Variants in ZNF385D observed in about 807,000 individuals in gnomAD.
The protein encoded by ZNF385D is zinc finger protein 385D, also known as zinc finger protein 659.
A neutral mutation model predicts 35.8 loss-of-function variants in ZNF385D; 15 were observed. The observed-to-expected ratio is 0.42, with a 90% confidence interval of 0.28 to 0.64. The LOEUF (loss-of-function observed/expected upper bound fraction) is 0.64, where lower values mean the gene tolerates loss of function less well. ZNF385D is among the 30% of genes least tolerant of loss of function. The pLI is 0.23. For synonymous variants in ZNF385D, 212 were observed against 186.8 expected, an observed-to-expected ratio of 1.13 and a Z score of -1.10; for missense variants, 474 against 494.6, an observed-to-expected ratio of 0.96 and a Z score of 0.39.
rs557566350 is a variant in ZNF385D, at chr3:21,436,895, T to C, written c.673+75A>G. 2.7e-5 allele frequency: 37 copies of C among 1,392,566 alleles called. No homozygotes were observed. The Admixed American group carries it at 7.9e-4, about 30-fold the overall frequency. The allele number at this position is 1,392,566 out of a possible 1,614,324, so 86.3% of individuals were successfully genotyped here. A position where few individuals can be genotyped will look rare whatever the true frequency, so the allele number is the denominator to read the frequency against. ...TTTCCTCCACCCCTTTGTCCCCTGC[T>C]GCAAAAGATCTAATCTATTCAGAGG... On this transcript the variant is annotated intron_variant, in intron 5 of 7. Coordinates refer to ENST00000281523, the MANE Select transcript of ZNF385D (RefSeq NM_024697.3).
rs1298848910 is a variant in ZNF385D, at chr3:21,646,355, T to C, written c.165+18531A>G. Among the ~76,000 whole-genome samples the C allele has an allele frequency of 6.6e-6, 1 of 152,214 alleles. No individual in the cohort carries two copies. The highest frequency in any genetic ancestry group is 6.5e-5 in the Admixed American group (1 of 15,276). On this transcript the variant is annotated intron_variant, in intron 2 of 7. Coordinates refer to ENST00000281523, the MANE Select transcript of ZNF385D (RefSeq NM_024697.3). The surrounding 1 kb of genome is among the most constrained non-coding windows in gnomAD (Gnocchi z 4.3). Reference sequence around the variant, plus strand: ...ATCTACAGACAGCTTACAACAGTGCTGCACACGATTAATCTGACTTCACAG... The same window carrying C: ...ATCTACAGACAGCTTACAACAGTGCCGCACACGATTAATCTGACTTCACAG...
intron 2 of ZNF385D, among the ~76,000 whole-genome samples, chr3:22,310,944 G>A (rs567064592): frequency 3.3e-5 from 5 of 151,598 alleles, no homozygotes; most frequent in South Asian, 4.2e-4. Context: ...TGAAGTTTTT[G>A]ATGTTATAAG....
intron 2 of ZNF385D, among the ~76,000 whole-genome samples, chr3:22,310,096 T>C (rs922035490): frequency 3.3e-5 from 5 of 151,996 alleles, no homozygotes; most frequent in Admixed American, 6.6e-5. Flanking sequence ...CTGGATCTTA[T>C]ATTGTATTAA....
chr3:22,196,764 AGTT>A (rs1475710879), intron 2 of ZNF385D, among the ~76,000 whole-genome samples: 2 of 151,996 alleles, frequency 1.3e-5, no homozygotes, highest in African/African-American at 2.4e-5. Flanking sequence ...GTCATTTTAA[AGTT>A]ATTATTTTTT....
intron 3 of ZNF385D, among the ~76,000 whole-genome samples, chr3:21,774,507 C>A (rs142703645): frequency 6.6e-6 from 1 of 151,810 alleles, no homozygotes; most frequent in South Asian, 2.1e-4. Context: ...CAATGGGATG[C>A]TCTGATGGAA....
At chr3:21,972,012 G>C (rs1036500354) in intron 3 of ZNF385D, among the ~76,000 whole-genome samples, 1 of 151,870 alleles carries the variant, frequency 6.6e-6, no homozygotes, top group African/African-American at 2.4e-5. Flanking sequence ...ATAATAGTTG[G>C]AGACTTCAAC....
chr3:21,998,010 C>T (rs148520780), intron 3 of ZNF385D, among the ~76,000 whole-genome samples: 10 of 151,944 alleles, frequency 6.6e-5, no homozygotes, highest in African/African-American at 1.9e-4. Flanking sequence ...GCAAAGAAAC[C>T]AGCCAGCCAA....
intron 3 of ZNF385D, among the ~76,000 whole-genome samples, chr3:22,024,105 G>C (rs1697389463): frequency 6.6e-6 from 1 of 151,998 alleles, no homozygotes; most frequent in South Asian, 2.1e-4. Context: ...ATATAAAGCA[G>C]GCAGAAAAAA....
At chr3:21,477,215 T>A (rs997829776) in intron 4 of ZNF385D, among the ~76,000 whole-genome samples, 1 of 151,978 alleles carries the variant, frequency 6.6e-6, no homozygotes, top group African/African-American at 2.4e-5. Context: ...GAGGTTTCTA[T>A]AGCAAGACCA....
chr3:22,332,559 A>T (rs1398120817), intron 2 of ZNF385D, among the ~76,000 whole-genome samples: 3 of 152,186 alleles, frequency 2.0e-5, no homozygotes, highest in Non-Finnish European at 4.4e-5. Context: ...TTAATAAAAC[A>T]AGAGTTGAGA....
At chr3:21,478,801 A>G (rs1301501849) in intron 4 of ZNF385D, among the ~76,000 whole-genome samples, 1 of 152,132 alleles carries the variant, frequency 6.6e-6, no homozygotes, top group African/African-American at 2.4e-5. Flanking sequence ...CACCATCCCC[A>G]GTAACACAGA....
chr3:22,333,440 C>A (rs114731334), intron 2 of ZNF385D, among the ~76,000 whole-genome samples: 3,908 of 151,840 alleles, frequency 0.026, 78 homozygotes, highest in Non-Finnish European at 0.039. Context: ...TCCCATAAGG[C>A]TGTAATGCTT....
At chr3:21,901,823 G>A (rs572761377) in intron 3 of ZNF385D, among the ~76,000 whole-genome samples, 1 of 152,172 alleles carries the variant, frequency 6.6e-6, no homozygotes, top group Admixed American at 6.6e-5. Flanking sequence ...GTTATTTGAG[G>A]TTAAAAAGGA....
At chr3:21,995,179 C>A (rs1695382464) in intron 3 of ZNF385D, among the ~76,000 whole-genome samples, 1 of 152,224 alleles carries the variant, frequency 6.6e-6, no homozygotes, top group South Asian at 2.1e-4. Context: ...CCAGCAGTGG[C>A]TTGGGCAGGC....
At chr3:22,259,245 G>T (rs1304106180) in intron 2 of ZNF385D, among the ~76,000 whole-genome samples, 1 of 151,696 alleles carries the variant, frequency 6.6e-6, no homozygotes, top group South Asian at 2.1e-4. Context: ...TATCATCTCT[G>T]AGCTTATCAG....
intron 2 of ZNF385D, among the ~76,000 whole-genome samples, chr3:21,610,135 C>A (rs912992671): frequency 9.1e-6 from 1 of 110,140 alleles, no homozygotes; most frequent in African/African-American, 4.2e-5. Flanking sequence ...AGGCAACAGT[C>A]GCATCTACCA....
chr3:21,832,359 G>T (rs1575740108), intron 3 of ZNF385D, among the ~76,000 whole-genome samples: 1 of 152,264 alleles, frequency 6.6e-6, no homozygotes, highest in East Asian at 1.9e-4. Context: ...TTGTGTTAAA[G>T]GTTTGTAATA....
intron 3 of ZNF385D, among the ~76,000 whole-genome samples, chr3:21,962,506 A>G (rs957516819): frequency 4.6e-5 from 7 of 152,222 alleles, no homozygotes; most frequent in Admixed American, 3.3e-4. Context: ...TATGTTCACA[A>G]AAAAGGTTTG....
At chr3:22,151,550 C>T (rs567587989) in intron 3 of ZNF385D, among the ~76,000 whole-genome samples, 2 of 152,174 alleles carry the variant, frequency 1.3e-5, no homozygotes, top group Non-Finnish European at 2.9e-5. Flanking sequence ...ACAAACAAAC[C>T]AACAAGGTCT....
Sources: gnomAD v4.1 joint callset for allele counts (sites outside exome capture counted in the v4.1 genomes callset) on GRCh38, gnomAD v4.1.1 for gene constraint, Gnocchi (gnomAD v3.1) non-coding constraint, MANE v1.5 for transcripts, NCBI Gene and HGNC (gene_info 2026-07-23, HGNC 2026-07-21) for gene names.